The following DDX46 variants were observed in gnomAD, a reference collection of about 807,000 sequenced individuals.
The protein encoded by DDX46 is probable ATP-dependent RNA helicase DDX46.
Under a neutral mutation model 134.9 loss-of-function variants are expected in DDX46, and 30 were observed. The ratio of observed to expected loss-of-function variants is 0.22; its 90% CI spans 0.17 to 0.30. The LOEUF (loss-of-function observed/expected upper bound fraction) is 0.30. Ranked by LOEUF, DDX46 falls within the 10% of genes least tolerant of loss-of-function variation. The pLI is 1.00. For synonymous variants in DDX46, 415 were observed against 404.1 expected, an observed-to-expected ratio of 1.03 and a Z score of -0.32; for missense variants, 622 against 1,248.7, an observed-to-expected ratio of 0.50 and a Z score of 7.56.
chr5:134,791,714 G>A (rs548354594), intron 13 of DDX46, among the ~76,000 whole-genome samples: 3 of 152,192 alleles, frequency 2.0e-5, no homozygotes, highest in Non-Finnish European at 4.4e-5. Context: ...GTCATATTTA[G>A]CCTTTTCAGT....
intron 18 of DDX46, among the ~76,000 whole-genome samples, chr5:134,815,367 C>T (rs1755257679): frequency 6.6e-6 from 1 of 152,042 alleles, no homozygotes; most frequent in Non-Finnish European, 1.5e-5. Flanking sequence ...TTTCTGTAAT[C>T]AGTGATATCA....
chr5:134,763,860 G>A, intron 1 of DDX46, 44 bp from the exon 2 acceptor site: 1 of 1,548,560 alleles, frequency 6.5e-7, no homozygotes. Flanking sequence ...TGTAATAGAA[G>A]CTAATGGTGT....
chr5:134,782,022 G>A lies in DDX46; in HGVS notation c.981G>A (p.Glu327=), dbSNP rs2150140844. The stretch of plus-strand genomic sequence containing the variant: ...AACCAGTTGATCATGGAAAAATTGA[G>A]TATGAGCCATTTAGGAAAAACTTCT... ...LLEPVDHGKI[E]YEPFRKNFYV... Residue 327 remains glutamate, a synonymous_variant, in exon 8 of 23, where the codon GAG becomes GAA. Transcript: ENST00000452510. 1 of 1,608,448 alleles carries A rather than the reference G, an allele frequency of 6.2e-7. No homozygotes were observed. The highest frequency in any genetic ancestry group is 8.5e-7 in the Non-Finnish European group (1 of 1,178,884).
At chr5:134,811,190 C>T in intron 16 of DDX46, 31 bp from the exon 17 acceptor site, 1 of 1,604,478 alleles carries the variant, frequency 6.2e-7, no homozygotes, top group Non-Finnish European at 8.5e-7. Context: ...TTGTTAGTGT[C>T]TAATAATTGT....
chr5:134,804,670 T>A (rs896351669), intron 15 of DDX46: 2 of 206,422 alleles, frequency 9.7e-6, no homozygotes, highest in African/African-American at 4.6e-5. Context: ...ATAAATTATT[T>A]TATTGTTCCG....
intron 18 of DDX46, among the ~76,000 whole-genome samples, chr5:134,813,675 A>G (rs2560737): frequency 0.92 from 139,886 of 152,028 alleles, 64,605 homozygotes; most frequent in East Asian, 1. Flanking sequence ...CTGTTGCCCA[A>G]ACTGGAGTGT....
At chr5:134,776,638 T>C (rs1469639705) in intron 5 of DDX46, among the ~76,000 whole-genome samples, 3 of 152,076 alleles carry the variant, frequency 2.0e-5, no homozygotes, top group Non-Finnish European at 1.5e-5. Flanking sequence ...GTCATTTAGC[T>C]GGGTGCAGTG....
intron 21 of DDX46, among the ~76,000 whole-genome samples, chr5:134,821,183 G>A (rs1415951095): frequency 6.6e-6 from 1 of 151,320 alleles, no homozygotes; most frequent in Non-Finnish European, 1.5e-5. Context: ...GACTACAGGC[G>A]CCCACCACCA....
chr5:134,782,429 C>G (rs1754182426), intron 8 of DDX46, among the ~76,000 whole-genome samples: 1 of 151,858 alleles, frequency 6.6e-6, no homozygotes, highest in Non-Finnish European at 1.5e-5. Flanking sequence ...ATCACAAGGT[C>G]AAGAGTTTGA....
intron 9 of DDX46, 107 bp downstream of exon 9, chr5:134,783,172 G>T: frequency 7.0e-7 from 1 of 1,422,088 alleles, no homozygotes; most frequent in African/African-American, 1.4e-5. Context: ...AAACCCTTAC[G>T]TTTTAAAAAA....
In DDX46 at chr5:134,764,048, C is replaced by T. The variant is rs1407895150; in HGVS notation, c.162C>T (p.Ser54=). 6.2e-6 allele frequency: 10 copies of T among 1,613,804 alleles called. No homozygotes were observed. Among genetic ancestry groups the T allele is most frequent in the Admixed American group, 3.3e-5 (2 of 59,958 alleles). ...ATAGGAGGAGAGAGAGGTCTCGTAG[C>T]AGGGATAAAAGAAGATCTCGGTCAA... ...DRDRRRERSR[S]RDKRRSRSRD... is the part of the protein sequence containing the mutation. Residue 54 remains serine (S), a synonymous_variant, in exon 2 of 23, where the codon AGC becomes AGT. Coordinates refer to ENST00000452510, the MANE Select transcript of DDX46 (RefSeq NM_001300860.2).
At chr5:134,805,532 CT>C (rs554379717) in intron 15 of DDX46, among the ~76,000 whole-genome samples, 2,011 of 137,666 alleles carry the variant, frequency 0.015, 17 homozygotes, top group Middle Eastern at 0.056. Flanking sequence ...CTTTTCTTTT[CT>C]TTTTTTTTTT....
intron 22 of DDX46, among the ~76,000 whole-genome samples, chr5:134,827,599 A>G (rs761393193): frequency 6.6e-6 from 1 of 152,100 alleles, no homozygotes. Flanking sequence ...AAAATCATAG[A>G]TTAGTTTTTC....
intron 11 of DDX46, 59 bp from the exon 12 acceptor site, chr5:134,788,454 T>G (rs1754407264): frequency 1.4e-6 from 2 of 1,390,092 alleles, no homozygotes; most frequent in East Asian, 4.6e-5. Context: ...AAATGCAGTA[T>G]TTTTTAGTGT....
chr5:134,788,341 G>C (rs531656238), intron 11 of DDX46, among the ~76,000 whole-genome samples, 172 bp from the exon 12 acceptor site: 1 of 152,052 alleles, frequency 6.6e-6, no homozygotes, highest in South Asian at 2.1e-4. Context: ...CAAATTTATG[G>C]CACTATGTGG....
chr5:134,828,321 G>C (rs1484039165), intron 22 of DDX46, among the ~76,000 whole-genome samples: 1 of 152,172 alleles, frequency 6.6e-6, no homozygotes, highest in Non-Finnish European at 1.5e-5. Flanking sequence ...AAGTAAAACA[G>C]CTGTTAAATC....
intron 15 of DDX46, among the ~76,000 whole-genome samples, chr5:134,798,164 C>T (rs939221176): frequency 6.7e-6 from 1 of 149,604 alleles, no homozygotes; most frequent in South Asian, 2.1e-4. Flanking sequence ...AATATCCCCG[C>T]CCCCCACCGT....
chr5:134,766,801 C>T, intron 2 of DDX46, 116 bp from the exon 3 acceptor site: 1 of 1,239,710 alleles, frequency 8.1e-7, no homozygotes, highest in South Asian at 1.7e-5. Flanking sequence ...TTCATTGAGA[C>T]CTCCACCTTT....
Position 134,795,079 on chromosome 5 carries a change from A to G in DDX46, c.1791+65A>G, listed in dbSNP as rs557695249. On this transcript the variant is annotated intron_variant, in intron 14 of 22. Transcript: ENST00000452510. ...CTTAGGTGGTATGTATGATTCTTCT[A>G]TGATCACTGTTTGTGAGGTAGGCAA... The G allele has an allele frequency of 5.0e-5, 79 of 1,573,098 alleles. No individual in the cohort carries two copies. The East Asian group carries it at 5.2e-4, about 10-fold the overall frequency.
Sources: gnomAD v4.1 joint callset for allele counts (sites outside exome capture counted in the v4.1 genomes callset) on GRCh38, gnomAD v4.1.1 for gene constraint, MANE v1.5 for transcripts, NCBI Gene and HGNC (gene_info 2026-07-23, HGNC 2026-07-21) for gene names.